CAMKMT: variants seen among roughly 807,000 people sequenced by gnomAD.
The protein encoded by CAMKMT is calmodulin-lysine N-methyltransferase, also known as CaM KMT.
A neutral mutation model predicts 48.0 loss-of-function variants in CAMKMT; 53 were observed. That is an observed-to-expected ratio of 1.10 (90% CI 0.89 to 1.39). The LOEUF (loss-of-function observed/expected upper bound fraction) is 1.39, where lower values mean the gene tolerates loss of function less well. Ranked by LOEUF, CAMKMT falls within the 40% of genes most tolerant of loss-of-function variation. The pLI is 0.00. For missense variants in CAMKMT, 428 were observed against 402.7 expected, an observed-to-expected ratio of 1.06 and a Z score of -0.54; for synonymous variants, 165 against 152.3, an observed-to-expected ratio of 1.08 and a Z score of -0.61.
chr2:44,638,089 AAAAAG>A (rs1673240427), intron 3 of CAMKMT, among the ~76,000 whole-genome samples: 3 of 151,804 alleles, frequency 2.0e-5, no homozygotes, highest in African/African-American at 7.2e-5. Flanking sequence ...AAGAAAAAGA[AAAAAG>A]AAAAGCCACC....
chr2:44,606,665 T>A (rs2103878609), intron 3 of CAMKMT, among the ~76,000 whole-genome samples: 1 of 152,294 alleles, frequency 6.6e-6, no homozygotes, highest in South Asian at 2.1e-4. Context: ...ATCATGTTCT[T>A]ACCTTAGCAA....
intron 3 of CAMKMT, among the ~76,000 whole-genome samples, chr2:44,505,862 ATTT>A (rs1670234121): frequency 6.7e-6 from 1 of 150,250 alleles, no homozygotes; most frequent in Non-Finnish European, 1.5e-5. Flanking sequence ...TTATTTATTT[ATTT>A]ATTTATTTAT....
intron 3 of CAMKMT, among the ~76,000 whole-genome samples, chr2:44,455,140 A>G (rs530547306): frequency 2.6e-5 from 4 of 152,258 alleles, no homozygotes; most frequent in African/African-American, 9.6e-5. Flanking sequence ...CATGGTACCC[A>G]CATACTGGGT....
intron 3 of CAMKMT, among the ~76,000 whole-genome samples, chr2:44,576,410 A>C (rs545056831): frequency 6.6e-6 from 1 of 152,102 alleles, no homozygotes; most frequent in African/African-American, 2.4e-5. Flanking sequence ...AGACACAGGG[A>C]ATCTGAAGTA....
At chr2:44,458,101 C>T (rs1230927289) in intron 3 of CAMKMT, among the ~76,000 whole-genome samples, 1 of 131,604 alleles carries the variant, frequency 7.6e-6, no homozygotes, top group Non-Finnish European at 1.5e-5. Context: ...GGCTTGAGTG[C>T]AGTGGTGCAT....
chr2:44,670,568 G>T (rs1320764871), intron 3 of CAMKMT, among the ~76,000 whole-genome samples: 7 of 152,150 alleles, frequency 4.6e-5, no homozygotes, highest in Admixed American at 1.3e-4. Flanking sequence ...GGGAGGATCA[G>T]TTGAGCCCCA....
At chr2:44,378,613 C>T (rs1021238318) in intron 2 of CAMKMT, among the ~76,000 whole-genome samples, 4 of 152,144 alleles carry the variant, frequency 2.6e-5, no homozygotes, top group African/African-American at 9.7e-5. Context: ...CCTGCCTCAG[C>T]CTCCTGATTA....
chr2:44,535,849 A>C (rs943037510), intron 3 of CAMKMT, among the ~76,000 whole-genome samples: 19 of 152,206 alleles, frequency 1.2e-4, no homozygotes, highest in African/African-American at 4.3e-4. Flanking sequence ...GCCTACTTTC[A>C]CCACTCCTAT....
chr2:44,447,842 A>C (rs888761536), intron 3 of CAMKMT, among the ~76,000 whole-genome samples: 4 of 152,222 alleles, frequency 2.6e-5, no homozygotes, highest in Non-Finnish European at 4.4e-5. Flanking sequence ...AGCATTGAGC[A>C]ACTTGTATTT....
intron 3 of CAMKMT, among the ~76,000 whole-genome samples, chr2:44,450,535 A>C (rs1226873384): frequency 6.6e-6 from 1 of 152,164 alleles, no homozygotes; most frequent in East Asian, 1.9e-4. Context: ...GTTTATGGTG[A>C]TTAAGAGAAT....
rs1297205754 is a variant in CAMKMT at position 44,704,317 on chromosome 2, C to A, written c.411C>A (p.Tyr137Ter). The change falls in exon 4 of 11, where the codon TAC becomes TAA. Residue 137 changes from tyrosine (Y) to a stop codon, truncating the protein, a stop_gained. Transcript: ENST00000378494. LOFTEE classifies it high-confidence loss of function. ...CATCTGAAGAGGTTTTGGCTTACTA[C>A]TGCCTCAAGCACAATAATATATTCA... Reference protein sequence around the residue: ...IWPSEEVLAYYCLKHNNIFRA... With the variant: ...IWPSEEVLAY 3 of 1,610,252 alleles carry A rather than the reference C, an allele frequency of 1.9e-6. No homozygotes were observed. The highest frequency in any genetic ancestry group is 2.5e-6 in the Non-Finnish European group (3 of 1,178,002).
At chr2:44,388,170 A>G (rs1680961208) in intron 2 of CAMKMT, among the ~76,000 whole-genome samples, 1 of 152,148 alleles carries the variant, frequency 6.6e-6, no homozygotes, top group Non-Finnish European at 1.5e-5. Flanking sequence ...CATTTAACAT[A>G]ATCCCAGACT....
At chr2:44,522,157 C>A (rs1444092041) in intron 3 of CAMKMT, among the ~76,000 whole-genome samples, 4 of 152,016 alleles carry the variant, frequency 2.6e-5, no homozygotes. Context: ...GCACATGCCA[C>A]CACTCCTGGC....
chr2:44,574,196 A>G (rs1461145809), intron 3 of CAMKMT, among the ~76,000 whole-genome samples: 3 of 152,222 alleles, frequency 2.0e-5, no homozygotes, highest in African/African-American at 7.2e-5. Flanking sequence ...ATACAATGCC[A>G]CTCAGAGCCA....
chr2:44,739,186 C>G (rs948105201), intron 7 of CAMKMT, among the ~76,000 whole-genome samples: 13 of 152,186 alleles, frequency 8.5e-5, no homozygotes, highest in African/African-American at 2.4e-4. Flanking sequence ...TCTGGCTGCT[C>G]TCTTGAGCAG....
At chr2:44,368,795 C>A (rs1006257680) in intron 1 of CAMKMT, among the ~76,000 whole-genome samples, 1 of 151,944 alleles carries the variant, frequency 6.6e-6, no homozygotes, top group Non-Finnish European at 1.5e-5. Context: ...TTTGTTTTTT[C>A]CTAAGAGTAA....
chr2:44,497,518 A>C (rs1669804163), intron 3 of CAMKMT, among the ~76,000 whole-genome samples: 1 of 152,150 alleles, frequency 6.6e-6, no homozygotes, highest in Non-Finnish European at 1.5e-5. Flanking sequence ...TAGTAAAAAA[A>C]CAAACATATT....
intron 3 of CAMKMT, among the ~76,000 whole-genome samples, chr2:44,604,472 A>G (rs1410849652): frequency 6.6e-6 from 1 of 152,090 alleles, no homozygotes; most frequent in Non-Finnish European, 1.5e-5. Flanking sequence ...TAGTAGGGTA[A>G]TTCAGAGTCG....
At chr2:44,684,053 A>G (rs1219997293) in intron 3 of CAMKMT, among the ~76,000 whole-genome samples, 1 of 152,098 alleles carries the variant, frequency 6.6e-6, no homozygotes, top group East Asian at 1.9e-4. Context: ...GCCTAAATAC[A>G]ACGTTCTGGG....
Sources: gnomAD v4.1 joint callset for allele counts (sites outside exome capture counted in the v4.1 genomes callset) on GRCh38, gnomAD v4.1.1 for gene constraint, MANE v1.5 for transcripts, NCBI Gene and HGNC (gene_info 2026-07-23, HGNC 2026-07-21) for gene names.